The following COMMD2 variants were observed in gnomAD, a reference collection of about 807,000 sequenced individuals.
The protein encoded by COMMD2 is COMM domain-containing protein 2.
A neutral mutation model predicts 22.5 loss-of-function variants in COMMD2; 25 were observed. The ratio of observed to expected loss-of-function variants is 1.11; its 90% CI spans 0.81 to 1.55. The LOEUF (loss-of-function observed/expected upper bound fraction) is 1.55, where lower values mean the gene tolerates loss of function less well. Ranked by LOEUF, COMMD2 falls within the 40% of genes most tolerant of loss-of-function variation. The pLI, the probability that COMMD2 is intolerant of heterozygous loss-of-function variation, is 0.00. For synonymous variants in COMMD2, 98 were observed against 91.2 expected, an observed-to-expected ratio of 1.07 and a Z score of -0.42; for missense variants, 223 against 232.9, an observed-to-expected ratio of 0.96 and a Z score of 0.28.
chr3:149,744,909 A>C (rs1716326195), intron 4 of COMMD2, among the ~76,000 whole-genome samples: 1 of 152,244 alleles, frequency 6.6e-6, no homozygotes, highest in Non-Finnish European at 1.5e-5. Context: ...AACTCACTTC[A>C]GTGGGTAAAT....
intron 4 of COMMD2, among the ~76,000 whole-genome samples, chr3:149,744,333 A>G (rs1716310529): frequency 6.6e-6 from 1 of 152,208 alleles, no homozygotes; most frequent in African/African-American, 2.4e-5. Flanking sequence ...TTCCTAAAAG[A>G]ATTCAGTTCT....
Position 149,741,578 on chromosome 3 carries a change from T to A in COMMD2, c.543A>T (p.Gln181His). ...GATTTGTCTTCATCTCTTCCAATGC[T>A]TGTTCCAGTTGTTGAACCAAATGGA... ...TLLHLVQQLE[Q>H]ALEEMKTNHC... Residue 181 changes from glutamine to histidine, a missense_variant, in exon 5 of 5, where the codon CAA becomes CAT. By Grantham distance (24) the Gln-to-His change is conservative. Transcript: ENST00000473414. 1 of 1,614,156 alleles carries A rather than the reference T, an allele frequency of 6.2e-7. No individual in the cohort carries two copies. The highest frequency in any genetic ancestry group is 1.1e-5 in the South Asian group (1 of 91,082).
chr3:149,751,620 G>A, intron 2 of COMMD2, 135 bp from the exon 3 acceptor site: 1 of 746,220 alleles, frequency 1.3e-6, no homozygotes, highest in East Asian at 2.9e-5. Flanking sequence ...AAGTTGGCCA[G>A]AGGCTCCTGC....
intron 4 of COMMD2, among the ~76,000 whole-genome samples, chr3:149,743,624 A>G (rs1229010858): frequency 2.6e-5 from 4 of 152,242 alleles, no homozygotes; most frequent in Non-Finnish European, 5.9e-5. Flanking sequence ...TTTGCAAACA[A>G]TAAGTCAATC....
At chr3:149,751,057 G>A (rs1203574117) in intron 3 of COMMD2, among the ~76,000 whole-genome samples, 1 of 152,134 alleles carries the variant, frequency 6.6e-6, no homozygotes, top group Non-Finnish European at 1.5e-5. Flanking sequence ...AAATTGTTAA[G>A]ATGCCCAGTT....
At chr3:149,743,599 A>ATG (rs1401542077) in intron 4 of COMMD2, among the ~76,000 whole-genome samples, 4 of 152,216 alleles carry the variant, frequency 2.6e-5, no homozygotes, top group Non-Finnish European at 5.9e-5. Flanking sequence ...GCTGAAATTT[A>ATG]ATGTCCCCAA....
At chr3:149,750,538 G>A in intron 4 of COMMD2, 140 bp downstream of exon 4, 1 of 574,820 alleles carries the variant, frequency 1.7e-6, no homozygotes. Flanking sequence ...AATGATTTGT[G>A]AAATGGCTTA....
At chr3:149,746,132 AT>A (rs1716357951) in intron 4 of COMMD2, among the ~76,000 whole-genome samples, 1 of 152,208 alleles carries the variant, frequency 6.6e-6, no homozygotes, top group Non-Finnish European at 1.5e-5. Context: ...TCTTGAACTG[AT>A]TAATGCCATG....
intron 4 of COMMD2, among the ~76,000 whole-genome samples, chr3:149,744,707 A>T (rs1238725603): frequency 6.6e-6 from 1 of 152,178 alleles, no homozygotes; most frequent in Non-Finnish European, 1.5e-5. Flanking sequence ...TCTGATATGC[A>T]TTTCTCTATG....
intron 4 of COMMD2, among the ~76,000 whole-genome samples, chr3:149,745,620 T>A (rs1006828665): frequency 6.6e-6 from 1 of 152,206 alleles, no homozygotes; most frequent in Non-Finnish European, 1.5e-5. Flanking sequence ...CACTAGATAT[T>A]CAATAAATGG....
intron 4 of COMMD2, among the ~76,000 whole-genome samples, chr3:149,743,047 G>A (rs1716279140): frequency 6.6e-6 from 1 of 152,064 alleles, no homozygotes; most frequent in Admixed American, 6.5e-5. Context: ...TCAGGTGGCT[G>A]GGAGATGGTT....
At chr3:149,748,465 C>G (rs936842737) in intron 4 of COMMD2, among the ~76,000 whole-genome samples, 15 of 152,210 alleles carry the variant, frequency 9.9e-5, no homozygotes, top group African/African-American at 3.6e-4. Flanking sequence ...ACCAAAAAAC[C>G]AGCTACATAT....
At position 149,752,457 on chromosome 3, in the gene COMMD2, A is replaced by G. The variant is rs373013910; in HGVS notation, c.-13T>C. 3 of 1,610,590 alleles carry G rather than the reference A, an allele frequency of 1.9e-6. No homozygotes were observed. The highest frequency in any genetic ancestry group is 4.5e-5 in the East Asian group (2 of 44,754). ...ATTCCAGCAGCATCTTCACTGTCCT[A>G]CGATTTCACCCGGCAGCGCCGACCC... On this transcript the variant is annotated 5_prime_UTR_variant, in exon 1 of 5. Coordinates refer to ENST00000473414, the MANE Select transcript of COMMD2 (RefSeq NM_016094.4).
At position 149,740,701 on chromosome 3, in the gene COMMD2, T is replaced by C. The variant is rs1217087707; in HGVS notation, c.*820A>G. 1 of 152,202 alleles carries C rather than the reference T, an allele frequency of 6.6e-6. No homozygotes were observed. Among genetic ancestry groups the C allele is most frequent in the African/African-American group, 2.4e-5 (1 of 41,474 alleles). The allele number at this position is 152,202 out of a possible 1,614,324, so 9.4% of individuals were successfully genotyped here. On this transcript the variant is annotated 3_prime_UTR_variant, in exon 5 of 5. Coordinates refer to ENST00000473414, the MANE Select transcript of COMMD2 (RefSeq NM_016094.4). ...TGGCTATTAACACTGTGGGGTGTTT[T>C]TAAAAGTCAAAAATACTGAACTGTT...
chr3:149,752,361 C>A lies in COMMD2; in HGVS notation c.67+17G>T. 1 of 1,614,054 alleles carries A rather than the reference C, an allele frequency of 6.2e-7. No individual in the cohort carries two copies. Among genetic ancestry groups the A allele is most frequent in the Non-Finnish European group, 8.5e-7 (1 of 1,179,900 alleles). On this transcript the variant is annotated intron_variant, in intron 1 of 4. Coordinates refer to ENST00000473414, the MANE Select transcript of COMMD2 (RefSeq NM_016094.4). ...CTCCTCCCCAGCCCACAGAACACCG[C>A]CCCCACGCCCGCTGACCCGCGCTGT...
chr3:149,747,880 G>A (rs1462656262), intron 4 of COMMD2, among the ~76,000 whole-genome samples: 4 of 150,938 alleles, frequency 2.7e-5, no homozygotes, highest in East Asian at 3.9e-4. Flanking sequence ...CCCGGGAGGC[G>A]GAGCTTGCAG....
rs1273447975 is a variant in COMMD2 at position 149,738,691 on chromosome 3, G to A, written c.*2830C>T. 1 of 152,096 alleles carries A rather than the reference G, an allele frequency of 6.6e-6. No individual in the cohort carries two copies. The highest frequency in any genetic ancestry group is 1.5e-5 in the Non-Finnish European group (1 of 67,992). The allele number at this position is 152,096 out of a possible 1,614,324, so 9.4% of individuals were successfully genotyped here. On this transcript the variant is annotated 3_prime_UTR_variant, in exon 5 of 5. Transcript: ENST00000473414. ...TCAAATCCTTTTGTCCAACTCCGAA[G>A]ACTTATCTCTTAACCACTTCATAAG...
intron 2 of COMMD2, chr3:149,751,975 G>A (rs1233302295): frequency 1.9e-5 from 9 of 466,726 alleles, no homozygotes; most frequent in Non-Finnish European, 3.4e-5. Flanking sequence ...AAAGTAAGGT[G>A]GTATTATGTA....
chr3:149,751,273 C>A (rs1373884213), intron 3 of COMMD2, 130 bp downstream of exon 3: 1 of 1,429,654 alleles, frequency 7.0e-7, no homozygotes, highest in Non-Finnish European at 9.4e-7. Context: ...GGTATGTCTT[C>A]AAAAAATCAA....
Sources: allele counts gnomAD v4.1 joint callset (sites outside exome capture counted in the v4.1 genomes callset), GRCh38; gene constraint gnomAD v4.1.1; transcripts MANE v1.5; gene names NCBI Gene and HGNC (gene_info 2026-07-23, HGNC 2026-07-21).